SLC39A12: variants seen among roughly 807,000 people sequenced by gnomAD.
SLC39A12 encodes the protein solute carrier family 39 member 12.
In SLC39A12, 63 loss-of-function variants were observed where a neutral mutation model predicts 71.1. That is an observed-to-expected ratio of 0.89 (90% confidence interval 0.72 to 1.09). The LOEUF (loss-of-function observed/expected upper bound fraction) is 1.09, where lower values mean the gene tolerates loss of function less well. Ranked by LOEUF, SLC39A12 falls within the 50% of genes least tolerant of loss-of-function variation. The pLI, the probability that SLC39A12 is intolerant of heterozygous loss-of-function variation, is 0.00. For missense variants in SLC39A12, 892 were observed against 812.6 expected, an observed-to-expected ratio of 1.10 and a Z score of -1.19; for synonymous variants, 351 against 301.3, an observed-to-expected ratio of 1.16 and a Z score of -1.71.
In SLC39A12 at chr10:17,953,586, G is replaced by A. The variant is rs145977424; in HGVS notation, c.261+49G>A. 299 of 1,589,512 alleles carry A rather than the reference G, an allele frequency of 1.9e-4. 1 individual carries two copies. The East Asian group carries it at 6.3e-3, about 34-fold the overall frequency. On this transcript the variant is annotated intron_variant, in intron 2 of 12. Transcript: ENST00000377369. ...GGTATCAGGGCATGTCCAAAAGAAA[G>A]CAATGGATTCTATAGGGATTTATTT...
At position 18,033,757 on chromosome 10, in the gene SLC39A12, G is replaced by A. The variant is rs370319336; in HGVS notation, c.1948-8948G>A. Among the ~76,000 whole-genome samples, 307 of 143,202 alleles carry A rather than the reference G, an allele frequency of 2.1e-3. 3 individuals carry two copies. The East Asian group carries it at 0.024, about 11-fold the overall frequency. The allele number at this position is 143,202 out of a possible 152,430, so 93.9% of individuals were successfully genotyped here. On this transcript the variant is annotated intron_variant, in intron 12 of 12. Coordinates refer to ENST00000377369, the MANE Select transcript of SLC39A12 (RefSeq NM_001145195.2). ...ATTGTGATGTTAGGGTGTCAATTTT[G>A]GATCTTTCCTGCTTTCTCTTGTGGG... is the stretch of plus-strand genomic sequence containing the variant.
At chr10:17,966,506 C>G (rs72784724) in intron 4 of SLC39A12, among the ~76,000 whole-genome samples, 17,717 of 151,862 alleles carry the variant, frequency 0.12, 1,126 homozygotes, top group South Asian at 0.15. Flanking sequence ...AGATAGGGGT[C>G]TCACTATGTT....
At chr10:18,029,114 G>A (rs189423244) in intron 12 of SLC39A12, among the ~76,000 whole-genome samples, 1,608 of 149,954 alleles carry the variant, frequency 0.011, 19 homozygotes, top group Middle Eastern at 0.014. Flanking sequence ...CTCGTGATCC[G>A]CCCACCTCGG....
At chr10:17,988,302 T>C (rs1263690600) in intron 7 of SLC39A12, among the ~76,000 whole-genome samples, 5 of 152,152 alleles carry the variant, frequency 3.3e-5, no homozygotes. Flanking sequence ...AGCGAGACTC[T>C]GTCTCAGAAA....
intron 7 of SLC39A12, among the ~76,000 whole-genome samples, chr10:17,989,551 CAT>C (rs1835488208): frequency 2.0e-5 from 3 of 152,120 alleles, no homozygotes; most frequent in Admixed American, 2.0e-4. Context: ...ATGGGTGCAA[CAT>C]GTTACAGAGG....
In SLC39A12 at chr10:18,028,377, T is replaced by C. The variant is rs1201972375; in HGVS notation, c.1948-14328T>C. Among the ~76,000 whole-genome samples, 3 of 152,222 alleles carry C rather than the reference T, an allele frequency of 2.0e-5. No homozygotes were observed. In the East Asian group the frequency reaches 5.8e-4, roughly 29 times the overall value. Reference sequence around the variant, plus strand: ...TTTATGAATCATGAATAAAGGTAAATGTTGAAATATTTGATAATGGGTCTT... The same window carrying C: ...TTTATGAATCATGAATAAAGGTAAACGTTGAAATATTTGATAATGGGTCTT... On this transcript the variant is annotated intron_variant, in intron 12 of 12. Coordinates refer to ENST00000377369, the MANE Select transcript of SLC39A12 (RefSeq NM_001145195.2).
chr10:18,026,457 A>C (rs1220433510), intron 12 of SLC39A12, among the ~76,000 whole-genome samples: 2 of 151,946 alleles, frequency 1.3e-5, no homozygotes, highest in Non-Finnish European at 2.9e-5. Context: ...TATTTTTTTC[A>C]TCTGGTTTCT....
chr10:18,015,996 G>GCAACA (rs1836371133), intron 12 of SLC39A12, among the ~76,000 whole-genome samples: 1 of 152,014 alleles, frequency 6.6e-6, no homozygotes. Context: ...TTGACATCCT[G>GCAACA]CAACACAATG....
intron 4 of SLC39A12, among the ~76,000 whole-genome samples, chr10:17,966,222 T>A (rs543981147): frequency 6.6e-6 from 1 of 152,332 alleles, no homozygotes; most frequent in South Asian, 2.1e-4. Flanking sequence ...ATGTTTGTTT[T>A]GCACATTTCT....
At chr10:17,976,760 G>A (rs887197409) in intron 4 of SLC39A12, among the ~76,000 whole-genome samples, 6 of 152,142 alleles carry the variant, frequency 3.9e-5, no homozygotes, top group Non-Finnish European at 8.8e-5. Context: ...CAGTTTGACT[G>A]TAATGTGTCT....
chr10:18,021,916 T>A (rs1220956287), intron 12 of SLC39A12, among the ~76,000 whole-genome samples: 1 of 152,200 alleles, frequency 6.6e-6, no homozygotes, highest in Non-Finnish European at 1.5e-5. Flanking sequence ...GGTTGAAATT[T>A]GTTTTCTTTA....
chr10:18,027,739 C>A, intron 12 of SLC39A12, among the ~76,000 whole-genome samples: 1 of 152,214 alleles, frequency 6.6e-6, no homozygotes, highest in East Asian at 1.9e-4. Flanking sequence ...TTCTCTGATG[C>A]ATCTAAAGAG....
At chr10:18,036,775 TA>T (rs1564665921) in intron 12 of SLC39A12, among the ~76,000 whole-genome samples, 1,224 of 22,268 alleles carry the variant, frequency 0.055, 83 homozygotes, top group African/African-American at 0.09. Flanking sequence ...TATATATATA[TA>T]TATATATATA....
intron 12 of SLC39A12, among the ~76,000 whole-genome samples, chr10:18,035,914 G>C (rs1384087519): frequency 2.6e-5 from 4 of 152,192 alleles, no homozygotes; most frequent in African/African-American, 9.6e-5. Flanking sequence ...GCCGTGTGAG[G>C]TGTCAGTGTG....
chr10:17,954,490 G>A (rs1195485271), intron 2 of SLC39A12, among the ~76,000 whole-genome samples: 2 of 152,002 alleles, frequency 1.3e-5, no homozygotes, highest in Non-Finnish European at 2.9e-5. Flanking sequence ...TCCTGACCTC[G>A]TGATCTGCCT....
rs183733221 is a variant in SLC39A12 at position 18,027,025 on chromosome 10, G to T, written c.1948-15680G>T. Among the ~76,000 whole-genome samples the T allele has an allele frequency of 1.7e-3, 259 of 152,160 alleles. 3 individuals are homozygous for T. The highest frequency in any genetic ancestry group is 5.8e-3 in the African/African-American group (242 of 41,530). On this transcript the variant is annotated intron_variant, in intron 12 of 12. Coordinates refer to ENST00000377369, the MANE Select transcript of SLC39A12 (RefSeq NM_001145195.2). ...TATTACATCTGATTTTGATTCTGAT[G>T]GTTGTTCAGTTTCTTTAAACCATCT...
chr10:17,978,645 A>G (rs1835177007), intron 5 of SLC39A12, among the ~76,000 whole-genome samples: 1 of 152,172 alleles, frequency 6.6e-6, no homozygotes, highest in Non-Finnish European at 1.5e-5. Context: ...TTGAATAAAG[A>G]ATAATTCATT....
At chr10:18,007,768 A>C (rs1473915371) in intron 12 of SLC39A12, among the ~76,000 whole-genome samples, 1 of 152,162 alleles carries the variant, frequency 6.6e-6, no homozygotes, top group Non-Finnish European at 1.5e-5. Context: ...GAGGATGACC[A>C]GAGGTCACTC....
At chr10:17,955,020 G>A (rs1017242683) in intron 2 of SLC39A12, among the ~76,000 whole-genome samples, 1 of 152,050 alleles carries the variant, frequency 6.6e-6, no homozygotes, top group Admixed American at 6.6e-5. Flanking sequence ...ATATATAGAT[G>A]GCAACACAAG....
Sources: allele counts gnomAD v4.1 joint callset (sites outside exome capture counted in the v4.1 genomes callset), GRCh38; gene constraint gnomAD v4.1.1; transcripts MANE v1.5; gene names NCBI Gene and HGNC (gene_info 2026-07-23, HGNC 2026-07-21).